Variants in RCN2 observed in about 807,000 individuals in gnomAD.
RCN2 encodes the protein reticulocalbin 2.
In RCN2, 23 loss-of-function variants were observed where a neutral mutation model predicts 37.5. The observed-to-expected ratio is 0.61, with a 90% CI of 0.44 to 0.87. The LOEUF (loss-of-function observed/expected upper bound fraction) is 0.87, where lower values mean the gene tolerates loss of function less well. Ranked by LOEUF, RCN2 falls within the 40% of genes least tolerant of loss-of-function variation. The pLI, the probability that RCN2 is intolerant of heterozygous loss-of-function variation, is 0.00. For synonymous variants in RCN2, 140 were observed against 144.6 expected, an observed-to-expected ratio of 0.97 and a Z score of 0.23; for missense variants, 381 against 390.4, an observed-to-expected ratio of 0.98 and a Z score of 0.20.
At chr15:76,937,073 C>T (rs2075253801) in intron 3 of RCN2, among the ~76,000 whole-genome samples, 1 of 152,204 alleles carries the variant, frequency 6.6e-6, no homozygotes, top group African/African-American at 2.4e-5. Context: ...TACTTAGAAT[C>T]CTCAAGATTC....
rs1339444868 is a variant in RCN2, at chr15:76,951,683, T to C, written c.*2461T>C. On this transcript the variant is annotated 3_prime_UTR_variant, in exon 7 of 7. Coordinates refer to ENST00000394885, the MANE Select transcript of RCN2 (RefSeq NM_002902.3). ...AGATTTGAATTTTAAATAAGACTTTTAAAATAAAGCTTTTATTTTGGTTTT... is the reference window on the plus strand; with the variant it reads ...AGATTTGAATTTTAAATAAGACTTTCAAAATAAAGCTTTTATTTTGGTTTT... The C allele has an allele frequency of 6.6e-6, 1 of 152,254 alleles. No homozygotes were observed. Among genetic ancestry groups the C allele is most frequent in the African/African-American group, 2.4e-5 (1 of 41,474 alleles). 9.4% of individuals were successfully genotyped at this position (152,254 alleles called of 1,614,324 possible).
Position 76,932,453 on chromosome 15 carries a change from C to G in RCN2, c.237C>G (p.Gly79=), listed in dbSNP as rs1338150131. 1 of 1,607,874 alleles carries G rather than the reference C, an allele frequency of 6.2e-7. No individual in the cohort carries two copies. The highest frequency in any genetic ancestry group is 1.1e-5 in the South Asian group (1 of 90,848). Residue 79 remains glycine (G), a synonymous_variant, in exon 2 of 7, where the codon GGC becomes GGG. Transcript: ENST00000394885. ...AGAAAATCGACTTGGACTCAGATGG[C>G]TTTCTCACTGAAAGTAAGGACTGCC... ...IIKKIDLDSD[G]FLTESELSSW... is the part of the protein sequence containing the mutation.
At chr15:76,948,659 G>C in intron 6 of RCN2, 107 bp downstream of exon 6, 1 of 1,138,474 alleles carries the variant, frequency 8.8e-7, no homozygotes, top group Non-Finnish European at 1.2e-6. Context: ...AAGTAATGGA[G>C]TTATTTGGGA....
rs1596009235 is a variant in RCN2, at chr15:76,952,395, A to ATCTT, written c.*3175_*3178dup. On this transcript the variant is annotated 3_prime_UTR_variant, in exon 7 of 7. Transcript: ENST00000394885. ...TTCCCTGTAACCCCAAGCAATACTG[A>ATCTT]TCTTTTTACTGTTCATAATTTTTTA... is the stretch of plus-strand genomic sequence containing the variant. 1 of 152,106 alleles carries ATCTT rather than the reference A, an allele frequency of 6.6e-6. No individual in the cohort carries two copies. Among genetic ancestry groups the ATCTT allele is most frequent in the East Asian group, 1.9e-4 (1 of 5,200 alleles). 9.4% of individuals were successfully genotyped at this position (152,106 alleles called of 1,614,324 possible). A position where few individuals can be genotyped will look rare whatever the true frequency, so the allele number is the denominator to read the frequency against.
Position 76,935,633 on chromosome 15 carries a change from G to C in RCN2, c.358G>C (p.Asp120His), listed in dbSNP as rs760409700. Residue 120 changes from aspartate (D) to histidine (H), a missense_variant, in exon 3 of 7, where the codon GAT (aspartate) becomes CAT (histidine). Coordinates refer to ENST00000394885, the MANE Select transcript of RCN2 (RefSeq NM_002902.3). The stretch of plus-strand genomic sequence containing the variant: ...AAACAGTGATGATACTGTGACTTGG[G>C]ATGAATATAACATTCAGATGTATGA... ...DKNSDDTVTW[D>H]EYNIQMYDRV... is the part of the protein sequence containing the mutation. The C allele has an allele frequency of 1.2e-6, 2 of 1,613,720 alleles. No individual in the cohort carries two copies. The highest frequency in any genetic ancestry group is 1.7e-6 in the Non-Finnish European group (2 of 1,179,622).
At chr15:76,943,971 G>A (rs75986807) in intron 4 of RCN2, 100 bp downstream of exon 4, 2 of 387,012 alleles carry the variant, frequency 5.2e-6, no homozygotes, top group African/African-American at 2.2e-5. Flanking sequence ...ATATGTTTAT[G>A]GGATACATGA....
chr15:76,937,419 T>A lies in RCN2; in HGVS notation c.447+1697T>A, dbSNP rs115582414. Among the ~76,000 whole-genome samples the A allele has an allele frequency of 6.1e-3, 934 of 152,174 alleles. 6 individuals carry two copies. Among genetic ancestry groups the A allele is most frequent in the Non-Finnish European group, 0.01 (704 of 68,010 alleles). ...CCTTTAAAATTACTCCTTTTTTTTT[T>A]TTATTTTTATTTTTTGAGACAGTAT... On this transcript the variant is annotated intron_variant, in intron 3 of 6. Transcript: ENST00000394885.
chr15:76,946,084 G>T (rs1288029249), intron 4 of RCN2, among the ~76,000 whole-genome samples: 3 of 152,212 alleles, frequency 2.0e-5, no homozygotes, highest in African/African-American at 7.2e-5. Context: ...GCAATTGAAT[G>T]AAATAGATTT....
intron 5 of RCN2, chr15:76,948,207 T>G (rs1312591018): frequency 1.0e-5 from 4 of 389,390 alleles, no homozygotes. Flanking sequence ...ATTTTAAAAC[T>G]GGGTTGTTTA....
At position 76,954,172 on chromosome 15, in the gene RCN2, C is replaced by G. The variant is rs2075338949; in HGVS notation, c.*4950C>G. The G allele has an allele frequency of 6.6e-6, 1 of 151,326 alleles. No individual in the cohort carries two copies. Among genetic ancestry groups the G allele is most frequent in the Admixed American group, 6.6e-5 (1 of 15,150 alleles). The allele number at this position is 151,326 out of a possible 1,614,324, so 9.4% of individuals were successfully genotyped here. A position where few individuals can be genotyped will look rare whatever the true frequency, so the allele number is the denominator to read the frequency against. On this transcript the variant is annotated 3_prime_UTR_variant, in exon 7 of 7. Transcript: ENST00000394885. ...TTTTGCCTGTTCCAGAATATCATTC[C>G]TTTGCAATTTAAATGTGAGGATAAA...
At chr15:76,932,264 T>A in intron 1 of RCN2, 97 bp from the exon 2 acceptor site, 1 of 988,666 alleles carries the variant, frequency 1.0e-6, no homozygotes, top group South Asian at 1.4e-5. Context: ...CCCGAAACCC[T>A]TTGGCAAGGG....
At position 76,948,958 on chromosome 15, in the gene RCN2, A is replaced by G. The variant is rs1002647480; in HGVS notation, c.802-112A>G. The G allele has an allele frequency of 6.3e-6, 6 of 957,266 alleles. No homozygotes were observed. The African/African-American group carries it at 9.9e-5, about 16-fold the overall frequency. The allele number at this position is 957,266 out of a possible 1,614,324, so 59.3% of individuals were successfully genotyped here. Reference sequence around the variant, plus strand: ...TGTAACATTTTTAGATACTTAAACAATAATGAGTACTTGTACACCTGGATG... The same window carrying G: ...TGTAACATTTTTAGATACTTAAACAGTAATGAGTACTTGTACACCTGGATG... On this transcript the variant is annotated intron_variant, in intron 6 of 6. Transcript: ENST00000394885.
rs1238710505 is a variant in RCN2, at chr15:76,943,792, C to G, written c.482C>G (p.Ala161Gly). The G allele has an allele frequency of 6.2e-7, 1 of 1,607,190 alleles. No homozygotes were observed. The highest frequency in any genetic ancestry group is 1.1e-5 in the South Asian group (1 of 90,364). Residue 161 changes from alanine (A) to glycine (G), a missense_variant, in exon 4 of 7, where the codon GCT becomes GGT. Transcript: ENST00000394885. ...HLKDKKRFEK[A>G]NQDSGPGLSL... ...AAGGACAAGAAGCGATTTGAAAAAG[C>G]TAACCAGGATTCAGGTCCCGGTTTG...
intron 3 of RCN2, chr15:76,938,936 G>T: frequency 2.8e-6 from 1 of 353,842 alleles, no homozygotes; most frequent in South Asian, 2.0e-5. Flanking sequence ...GGAAGCCAAG[G>T]TGGGAGAATC....
intron 3 of RCN2, among the ~76,000 whole-genome samples, chr15:76,937,109 T>C (rs904637902): frequency 5.3e-5 from 8 of 152,222 alleles, no homozygotes; most frequent in African/African-American, 1.7e-4. Context: ...TGCATCAGAA[T>C]TTCCTTCCTT....
At chr15:76,934,223 A>G (rs1206685008) in intron 2 of RCN2, among the ~76,000 whole-genome samples, 1 of 151,710 alleles carries the variant, frequency 6.6e-6, no homozygotes, top group East Asian at 1.9e-4. Context: ...GGCTCACTAC[A>G]GCCTCTGCCA....
Position 76,950,995 on chromosome 15 carries a change from A to G in RCN2, c.*1773A>G, listed in dbSNP as rs966572632. 1 of 152,210 alleles carries G rather than the reference A, an allele frequency of 6.6e-6. No individual in the cohort carries two copies. Among genetic ancestry groups the G allele is most frequent in the Non-Finnish European group, 1.5e-5 (1 of 68,040 alleles). The allele number at this position is 152,210 out of a possible 1,614,324, so 9.4% of individuals were successfully genotyped here. On this transcript the variant is annotated 3_prime_UTR_variant, in exon 7 of 7. Coordinates refer to ENST00000394885, the MANE Select transcript of RCN2 (RefSeq NM_002902.3). ...TTTAACCTACACTATATGTCTGGCT[A>G]TAGCAGTTTTAGAATTACAGATTTA...
intron 3 of RCN2, chr15:76,941,926 T>TA (rs2075278038): frequency 3.0e-6 from 1 of 337,536 alleles, no homozygotes; most frequent in Admixed American, 4.7e-5. Context: ...AATAATGGTT[T>TA]ATTCAAAAAG....
chr15:76,949,045 G>T, intron 6 of RCN2, 25 bp from the exon 7 acceptor site: 1 of 1,574,344 alleles, frequency 6.4e-7, no homozygotes, highest in South Asian at 1.2e-5. Flanking sequence ...TATTACACTT[G>T]ACACTTTTTT....
Sources: allele counts gnomAD v4.1 joint callset (sites outside exome capture counted in the v4.1 genomes callset), GRCh38; gene constraint gnomAD v4.1.1; transcripts MANE v1.5; gene names NCBI Gene and HGNC (gene_info 2026-07-23, HGNC 2026-07-21).